The following DACH1 variants were observed in gnomAD, a reference collection of about 807,000 sequenced individuals.
DACH1 encodes the protein dachshund family transcription factor 1.
A neutral mutation model predicts 54.2 loss-of-function variants in DACH1; 12 were observed. The observed-to-expected ratio is 0.22, with a 90% CI of 0.14 to 0.36. DACH1 has a LOEUF of 0.36. DACH1 is among the 10% of genes least tolerant of loss of function. DACH1 has a pLI of 1.00. For synonymous variants in DACH1, 386 were observed against 366.2 expected (o/e 1.05, Z -0.62); for missense variants, 805 against 929.8 (o/e 0.87, Z 1.75).
intron 1 of DACH1, among the ~76,000 whole-genome samples, chr13:71,746,301 G>T (rs190904532): frequency 6.6e-6 from 1 of 152,132 alleles, no homozygotes; most frequent in Non-Finnish European, 1.5e-5. Context: ...GAAACCCATA[G>T]ATAGGAATGG....
At chr13:71,486,780 GA>G (rs1333938131) in intron 7 of DACH1, among the ~76,000 whole-genome samples, 5 of 151,462 alleles carry the variant, frequency 3.3e-5, no homozygotes, top group Admixed American at 3.3e-4. Flanking sequence ...GATTGAAGCG[GA>G]CAAGCTAAAT....
intron 1 of DACH1, among the ~76,000 whole-genome samples, chr13:71,762,882 A>G (rs757357659): frequency 3.3e-5 from 5 of 152,110 alleles, no homozygotes; most frequent in Non-Finnish European, 7.4e-5. Context: ...CAATTTAATA[A>G]TGTAGTTTTT....
At chr13:71,458,858 A>T (rs942416852) in intron 10 of DACH1, among the ~76,000 whole-genome samples, 1 of 151,898 alleles carries the variant, frequency 6.6e-6, no homozygotes, top group Admixed American at 6.6e-5. Context: ...AAAAACAATT[A>T]ACTAAATATG....
chr13:71,654,259 G>C (rs1265542018), intron 2 of DACH1, among the ~76,000 whole-genome samples: 1 of 151,420 alleles, frequency 6.6e-6, no homozygotes, highest in East Asian at 2.0e-4. Context: ...GTGTGGCGGA[G>C]CACACCTGTA....
At chr13:71,554,783 T>A in intron 6 of DACH1, among the ~76,000 whole-genome samples, 1 of 152,164 alleles carries the variant, frequency 6.6e-6, no homozygotes, top group East Asian at 1.9e-4. Flanking sequence ...CTTTAAAACA[T>A]GCCTAGATCA....
chr13:71,657,162 T>C, intron 2 of DACH1, among the ~76,000 whole-genome samples: 1 of 151,664 alleles, frequency 6.6e-6, no homozygotes. Context: ...ATGGAGCTAA[T>C]TGCATGCACT....
intron 1 of DACH1, among the ~76,000 whole-genome samples, chr13:71,810,758 A>C (rs1011416176): frequency 1.3e-5 from 2 of 152,216 alleles, no homozygotes; most frequent in African/African-American, 4.8e-5. Context: ...CTTGTGGAGT[A>C]CACAGTACCA....
intron 1 of DACH1, among the ~76,000 whole-genome samples, chr13:71,800,421 C>A (rs985314461): frequency 1.3e-5 from 2 of 152,050 alleles, no homozygotes; most frequent in African/African-American, 4.8e-5. Context: ...CACTCTCTAC[C>A]GCTCAGTGAA....
intron 3 of DACH1, among the ~76,000 whole-genome samples, chr13:71,602,725 A>C (rs749671177): frequency 4.6e-5 from 7 of 152,026 alleles, no homozygotes; most frequent in Non-Finnish European, 8.8e-5. Flanking sequence ...CACCACAGTT[A>C]AATGGAGAAA....
At chr13:71,671,563 G>A (rs553875955) in intron 2 of DACH1, among the ~76,000 whole-genome samples, 150 of 151,970 alleles carry the variant, frequency 9.9e-4, no homozygotes, top group Non-Finnish European at 1.8e-3. Flanking sequence ...AGGGAACAAG[G>A]TGGTCTTCCC....
intron 6 of DACH1, among the ~76,000 whole-genome samples, chr13:71,541,106 T>C (rs1883099931): frequency 6.6e-6 from 1 of 151,950 alleles, no homozygotes; most frequent in Admixed American, 6.6e-5. Context: ...TTTTCATAAG[T>C]AATAAGTGCA....
intron 1 of DACH1, among the ~76,000 whole-genome samples, chr13:71,843,547 G>A (rs1278801620): frequency 6.6e-6 from 1 of 152,276 alleles, no homozygotes; most frequent in Non-Finnish European, 1.5e-5. Flanking sequence ...TTACAGGTGT[G>A]AGCCACTGTG....
intron 2 of DACH1, among the ~76,000 whole-genome samples, chr13:71,656,536 C>T (rs1384182879): frequency 6.6e-6 from 1 of 151,954 alleles, no homozygotes; most frequent in African/African-American, 2.4e-5. Context: ...AAAATTGGAG[C>T]ACGTTTTGTT....
intron 6 of DACH1, among the ~76,000 whole-genome samples, chr13:71,531,556 T>A (rs1344141743): frequency 6.6e-6 from 1 of 152,026 alleles, no homozygotes; most frequent in Non-Finnish European, 1.5e-5. Flanking sequence ...TTAATTTGCA[T>A]AATGAGCTTA....
chr13:71,835,599 C>T (rs1225197468), intron 1 of DACH1, among the ~76,000 whole-genome samples: 1 of 152,016 alleles, frequency 6.6e-6, no homozygotes, highest in African/African-American at 2.4e-5. Context: ...AAAAAAGAGG[C>T]CCTATTGGTC....
intron 1 of DACH1, among the ~76,000 whole-genome samples, chr13:71,684,422 T>C (rs1459154436): frequency 5.3e-5 from 8 of 152,136 alleles, no homozygotes. Flanking sequence ...AGCTTATATT[T>C]GGCCCTACTC....
intron 1 of DACH1, among the ~76,000 whole-genome samples, chr13:71,843,340 A>C (rs1444457712): frequency 6.6e-6 from 1 of 152,096 alleles, no homozygotes; most frequent in Non-Finnish European, 1.5e-5. Flanking sequence ...ATCATGGCTC[A>C]CCACAACCTC....
At chr13:71,619,117 T>C (rs775486170) in intron 3 of DACH1, among the ~76,000 whole-genome samples, 2 of 151,144 alleles carry the variant, frequency 1.3e-5, no homozygotes, top group Non-Finnish European at 3.0e-5. Context: ...TATGTGTGTA[T>C]ATATATATAT....
At chr13:71,823,411 G>C in intron 1 of DACH1, among the ~76,000 whole-genome samples, 1 of 151,940 alleles carries the variant, frequency 6.6e-6, no homozygotes, top group Admixed American at 6.6e-5. Flanking sequence ...GAGAGCTATC[G>C]AGCTATGAAA....
Sources: allele counts gnomAD v4.1 joint callset (sites outside exome capture counted in the v4.1 genomes callset), GRCh38; gene constraint gnomAD v4.1.1; transcripts MANE v1.5; gene names NCBI Gene and HGNC (gene_info 2026-07-23, HGNC 2026-07-21).